Variants in RXRA observed in about 807,000 individuals in gnomAD.
RXRA encodes the protein retinoic acid receptor RXR-alpha.
Under a neutral mutation model 44.5 loss-of-function variants are expected in RXRA, and 5 were observed. The observed-to-expected ratio is 0.11, with a 90% confidence interval of 0.06 to 0.24. The LOEUF is 0.24. Ranked by LOEUF, RXRA falls within the 10% of genes least tolerant of loss-of-function variation. The pLI is 1.00. For missense variants in RXRA, 412 were observed against 646.5 expected (o/e 0.64, Z 3.93); for synonymous variants, 291 against 271.4 (o/e 1.07, Z -0.71).
chr9:134,426,512 A>G lies in RXRA; in HGVS notation c.911-2596A>G. The G allele has an allele frequency of 2.0e-6, 2 of 985,458 alleles. No individual in the cohort carries two copies. The highest frequency in any genetic ancestry group is 2.4e-6 in the Non-Finnish European group (2 of 829,928). The allele number at this position is 985,458 out of a possible 1,614,324, so 61.0% of individuals were successfully genotyped here. ...GCAGCCGGCGTGCCGGAGGGTGCAG[A>G]GAGAGACTCCGCACTGTTCTGTCCG... is the stretch of plus-strand genomic sequence containing the variant. On this transcript the variant is annotated intron_variant, in intron 6 of 9. Transcript: ENST00000481739. This position sits in a 1 kb window ranked among gnomAD's most constrained non-coding sequence, Gnocchi z 4.6.
chr9:134,344,357 C>T (rs1008293198), intron 1 of RXRA, among the ~76,000 whole-genome samples: 9 of 152,310 alleles, frequency 5.9e-5, no homozygotes, highest in Non-Finnish European at 1.2e-4. Context: ...TTGTGGGGTG[C>T]AGCTTCCTGC....
At position 134,423,145 on chromosome 9, in the gene RXRA, C is replaced by G. The variant is rs34767635; in HGVS notation, c.910+1340C>G. 8.4e-4 allele frequency: 824 copies of G among 985,448 alleles called. 17 individuals are homozygous for G. The East Asian group carries it at 0.051, about 61-fold the overall frequency. The allele number at this position is 985,448 out of a possible 1,614,324, so 61.0% of individuals were successfully genotyped here. A position where few individuals can be genotyped will look rare whatever the true frequency, so the allele number is the denominator to read the frequency against. ...AAAGGGGGTGTGAGGGGCGTGCTGA[C>G]TGGGGCTGGTTCTTGCCGAGTCAGC... is the stretch of plus-strand genomic sequence containing the variant. On this transcript the variant is annotated intron_variant, in intron 6 of 9. Coordinates refer to ENST00000481739, the MANE Select transcript of RXRA (RefSeq NM_002957.6).
intron 1 of RXRA, among the ~76,000 whole-genome samples, chr9:134,348,162 G>A (rs1047450776): frequency 6.6e-5 from 10 of 152,172 alleles, no homozygotes; most frequent in Middle Eastern, 3.2e-3. Context: ...GGTGCCAGGC[G>A]CGGCAGTTGC....
intron 1 of RXRA, among the ~76,000 whole-genome samples, chr9:134,373,139 A>T (rs527901769): frequency 6.6e-6 from 1 of 152,238 alleles, no homozygotes; most frequent in Non-Finnish European, 1.5e-5. Context: ...CACACAGCCA[A>T]GTGGCCACAG....
chr9:134,340,051 C>G (rs1411387616), intron 1 of RXRA, among the ~76,000 whole-genome samples: 2 of 152,084 alleles, frequency 1.3e-5, no homozygotes, highest in Admixed American at 1.3e-4. Flanking sequence ...CTGTGTCCCT[C>G]TGTCCCTGTC....
chr9:134,331,496 G>A (rs568654463), intron 1 of RXRA, among the ~76,000 whole-genome samples: 2 of 152,336 alleles, frequency 1.3e-5, no homozygotes, highest in East Asian at 1.9e-4. Context: ...GTGTCCTGGC[G>A]TGCCCGTGAG....
Position 134,422,058 on chromosome 9 carries a change from C to T in RXRA, c.910+253C>T, listed in dbSNP as rs201130796. 17 of 1,337,720 alleles carry T rather than the reference C, an allele frequency of 1.3e-5. No individual in the cohort carries two copies. In the South Asian group the frequency reaches 2.2e-4, roughly 18 times the overall value. 82.9% of individuals were successfully genotyped at this position (1,337,720 alleles called of 1,614,324 possible). On this transcript the variant is annotated intron_variant, in intron 6 of 9. Coordinates refer to ENST00000481739, the MANE Select transcript of RXRA (RefSeq NM_002957.6). Reference sequence around the variant, plus strand: ...TGCTCCCATCTCCCAGGACGCTCCCCTCTCCCAGGACGCTCCCCTCTCCCA... The same window carrying T: ...TGCTCCCATCTCCCAGGACGCTCCCTTCTCCCAGGACGCTCCCCTCTCCCA...
At chr9:134,351,326 G>A (rs1399551622) in intron 1 of RXRA, among the ~76,000 whole-genome samples, 1 of 152,224 alleles carries the variant, frequency 6.6e-6, no homozygotes, top group East Asian at 1.9e-4. Flanking sequence ...ACTCGAAAGG[G>A]GCCCTATGCC....
intron 1 of RXRA, among the ~76,000 whole-genome samples, chr9:134,353,750 T>G (rs952793618): frequency 6.6e-6 from 1 of 152,226 alleles, no homozygotes; most frequent in Non-Finnish European, 1.5e-5. Flanking sequence ...ATGCTACCCA[T>G]GGGCCTGGTT....
chr9:134,386,707 C>T (rs368285433), intron 1 of RXRA, among the ~76,000 whole-genome samples: 53 of 149,818 alleles, frequency 3.5e-4, no homozygotes, highest in Admixed American at 2.1e-3. Flanking sequence ...CCCTGCAGCC[C>T]GAGGCCAGGA....
chr9:134,416,564 G>T (rs901586729), intron 4 of RXRA, among the ~76,000 whole-genome samples: 1 of 152,180 alleles, frequency 6.6e-6, no homozygotes, highest in African/African-American at 2.4e-5. Context: ...ATTTCTGGCA[G>T]GGCCCAGTGT....
At chr9:134,345,122 C>T (rs1830134724) in intron 1 of RXRA, among the ~76,000 whole-genome samples, 1 of 152,214 alleles carries the variant, frequency 6.6e-6, no homozygotes, top group Non-Finnish European at 1.5e-5. Context: ...CTGTGGCAGC[C>T]CCTGGTCTGC....
rs1278014819 is a variant in RXRA, at chr9:134,365,729, A to AGTCTCGGTGG, written c.29-35891_29-35882dup. ...GATGTAGCCCTGAGGGGCCCGGCAG[A>AGTCTCGGTGG]GTCTCGGTGGGTCTCGGTGGGGCCA... is the stretch of plus-strand genomic sequence containing the variant. On this transcript the variant is annotated intron_variant, in intron 1 of 9. Transcript: ENST00000481739. The surrounding 1 kb of genome is among the most constrained non-coding windows in gnomAD (Gnocchi z 4.0). 1.4e-5 allele frequency among the ~76,000 whole-genome samples: 2 copies of AGTCTCGGTGG among 146,628 alleles called. No individual in the cohort carries two copies. Among genetic ancestry groups the AGTCTCGGTGG allele is most frequent in the African/African-American group, 5.1e-5 (2 of 39,210 alleles).
At chr9:134,430,626 T>C (rs772423088) in intron 7 of RXRA, among the ~76,000 whole-genome samples, 12 of 124,378 alleles carry the variant, frequency 9.6e-5, no homozygotes, top group South Asian at 2.5e-4. Context: ...TTTAAGAAGT[T>C]AGTGTACAGG....
At position 134,436,576 on chromosome 9, in the gene RXRA, C is replaced by T; in HGVS notation, c.1351C>T (p.Leu451Phe). 1 of 1,614,164 alleles carries T rather than the reference C, an allele frequency of 6.2e-7. No individual in the cohort carries two copies. Among genetic ancestry groups the T allele is most frequent in the Non-Finnish European group, 8.5e-7 (1 of 1,180,040 alleles). The change falls in exon 10 of 10, where the codon CTT (leucine) becomes TTT (phenylalanine). Residue 451 changes from leucine to phenylalanine, a missense_variant. Around this residue, in one of 4 missense-constraint regions of RXRA, gnomAD observed 141 missense variants for 270.8 expected, o/e 0.52. Coordinates refer to ENST00000481739, the MANE Select transcript of RXRA (RefSeq NM_002957.6). ...LIGDTPIDTF[L>F]MEMLEAPHQM... The stretch of plus-strand genomic sequence containing the variant: ...CGGGGACACACCCATTGACACCTTC[C>T]TTATGGAGATGCTGGAGGCGCCGCA...
intron 1 of RXRA, among the ~76,000 whole-genome samples, chr9:134,354,730 AGGCC>A (rs1830262567): frequency 6.6e-6 from 1 of 152,198 alleles, no homozygotes; most frequent in South Asian, 2.1e-4. Context: ...AAATGTTCAG[AGGCC>A]GTGTTGTTGC....
intron 1 of RXRA, among the ~76,000 whole-genome samples, chr9:134,328,438 A>G (rs578071539): frequency 1.3e-5 from 2 of 152,108 alleles, no homozygotes; most frequent in South Asian, 4.1e-4. Flanking sequence ...CCTCCGAGCC[A>G]CTGCCCCAGG....
intron 4 of RXRA, among the ~76,000 whole-genome samples, chr9:134,410,163 G>T (rs890530638): frequency 2.6e-5 from 4 of 152,264 alleles, no homozygotes; most frequent in African/African-American, 9.6e-5. Context: ...GCTCCTGGAG[G>T]GTGTCCTCCT....
At chr9:134,368,738 G>A (rs1483811080) in intron 1 of RXRA, among the ~76,000 whole-genome samples, 1 of 144,964 alleles carries the variant, frequency 6.9e-6, no homozygotes, top group East Asian at 2.0e-4. Flanking sequence ...GTGTGGATGT[G>A]ACTGGGTGAG....
Sources: allele counts gnomAD v4.1 joint callset (sites outside exome capture counted in the v4.1 genomes callset), GRCh38; gene constraint gnomAD v4.1.1; regional missense constraint gnomAD v4.1.1; non-coding constraint Gnocchi (gnomAD v3.1); transcripts MANE v1.5; gene names NCBI Gene and HGNC (gene_info 2026-07-23, HGNC 2026-07-21).